Variants in OSBPL3 observed in about 807,000 individuals in gnomAD.
The protein encoded by OSBPL3 is oxysterol binding protein like 3, also known as oxysterol-binding protein-related protein 3.
A neutral mutation model predicts 120.1 loss-of-function variants in OSBPL3; 65 were observed. That is an observed-to-expected ratio of 0.54 (90% CI 0.44 to 0.67). The LOEUF is 0.67. OSBPL3 is among the 30% of genes least tolerant of loss of function. OSBPL3 has a pLI of 0.00. For synonymous variants in OSBPL3, 416 were observed against 402.6 expected (o/e 1.03, Z -0.40); for missense variants, 1,004 against 1,082.1 (o/e 0.93, Z 1.01).
rs1285519705 is a variant in OSBPL3 at position 24,918,209 on chromosome 7, T to C, written c.-149-25588A>G. On this transcript the variant is annotated intron_variant, in intron 1 of 22. Transcript: ENST00000313367. The surrounding 1 kb of genome is among the most constrained non-coding windows in gnomAD (Gnocchi z 4.3). ...CAAGAGAGTCATGAGAAACTGACCA[T>C]CACATAAACACCATAGCAATGTTCA... 5 of 224,454 alleles carry C rather than the reference T, an allele frequency of 2.2e-5. No homozygotes were observed. The highest frequency in any genetic ancestry group is 1.2e-4 in the African/African-American group (5 of 42,770). The allele number at this position is 224,454 out of a possible 1,614,324, so 13.9% of individuals were successfully genotyped here.
intron 1 of OSBPL3, among the ~76,000 whole-genome samples, chr7:24,929,819 T>C (rs377671933): frequency 2.5e-4 from 38 of 152,374 alleles, no homozygotes; most frequent in South Asian, 6.2e-4. Context: ...TCCTTGGTCA[T>C]GTATGTTTTG....
intron 2 of OSBPL3, among the ~76,000 whole-genome samples, chr7:24,882,365 T>C (rs1803829370): frequency 6.6e-6 from 1 of 152,106 alleles, no homozygotes; most frequent in African/African-American, 2.4e-5. Context: ...TGTCTTTCTG[T>C]GCCTGGCTTA....
chr7:24,963,901 C>T (rs944609185), intron 1 of OSBPL3, among the ~76,000 whole-genome samples: 3 of 151,956 alleles, frequency 2.0e-5, no homozygotes, highest in Non-Finnish European at 2.9e-5. Context: ...AAGGACTATA[C>T]AAGATTAGCC....
In OSBPL3 at chr7:24,871,898, GTGC is replaced by G. The variant is rs1183207882; in HGVS notation, c.213+52_213+54del. ...TTAAATATGAGTACCTAAGAACCAG[GTGC>G]TGAGTGGGGCAGTGTGAGTGCAAAT... On this transcript the variant is annotated intron_variant, in intron 3 of 22. Transcript: ENST00000313367. The surrounding 1 kb of genome is among the most constrained non-coding windows in gnomAD (Gnocchi z 4.8). 3 of 1,470,672 alleles carry G rather than the reference GTGC, an allele frequency of 2.0e-6. No individual in the cohort carries two copies. Among genetic ancestry groups the G allele is most frequent in the Non-Finnish European group, 2.9e-6 (3 of 1,049,378 alleles). 91.1% of individuals were successfully genotyped at this position (1,470,672 alleles called of 1,614,324 possible).
At position 24,913,211 on chromosome 7, in the gene OSBPL3, A is replaced by C. The variant is rs561386235; in HGVS notation, c.-149-20590T>G. ...ACATAAATATTGTCATTAACCTACC[A>C]GTTCATCGTCATTGTCTCAATTTAC... On this transcript the variant is annotated intron_variant, in intron 1 of 22. Coordinates refer to ENST00000313367, the MANE Select transcript of OSBPL3 (RefSeq NM_015550.4). The surrounding 1 kb of genome is among the most constrained non-coding windows in gnomAD (Gnocchi z 5.3). 9.8e-5 allele frequency among the ~76,000 whole-genome samples: 15 copies of C among 152,296 alleles called. No individual in the cohort carries two copies. The highest frequency in any genetic ancestry group is 3.4e-4 in the African/African-American group (14 of 41,550).
Position 24,841,396 on chromosome 7 carries a change from T to C in OSBPL3, c.1402-613A>G, listed in dbSNP as rs548962337. Among the ~76,000 whole-genome samples, 5 of 151,740 alleles carry C rather than the reference T, an allele frequency of 3.3e-5. No individual in the cohort carries two copies. In the South Asian group the frequency reaches 1.0e-3, roughly 32 times the overall value. ...ATTTCCTTCTCTATAGTAGACACAT[T>C]ATTAAATAGGTAGAAGTCAAAACTA... On this transcript the variant is annotated intron_variant, in intron 13 of 22. Transcript: ENST00000313367.
chr7:24,928,250 A>G (rs1257254051), intron 1 of OSBPL3, among the ~76,000 whole-genome samples: 4 of 147,030 alleles, frequency 2.7e-5, no homozygotes, highest in South Asian at 2.1e-4. Flanking sequence ...GGAGTGCAGC[A>G]GCACGATCTC....
chr7:24,892,512 A>G lies in OSBPL3; in HGVS notation c.-40T>C. ...TTGGCCTCGAGACAATCAAAATGCCATCAGATGACAAGGGAGCCGAGAGTA... is the reference window on the plus strand; with the variant it reads ...TTGGCCTCGAGACAATCAAAATGCCGTCAGATGACAAGGGAGCCGAGAGTA... On this transcript the variant is annotated 5_prime_UTR_variant, in exon 2 of 23. An upstream start codon of the reference 5' UTR is lost. Coordinates refer to ENST00000313367, the MANE Select transcript of OSBPL3 (RefSeq NM_015550.4). The G allele has an allele frequency of 1.2e-6, 2 of 1,601,048 alleles. No individual in the cohort carries two copies. The highest frequency in any genetic ancestry group is 1.7e-6 in the Non-Finnish European group (2 of 1,170,144).
intron 1 of OSBPL3, among the ~76,000 whole-genome samples, chr7:24,979,550 G>C (rs555100109): frequency 6.6e-6 from 1 of 152,162 alleles, no homozygotes; most frequent in Non-Finnish European, 1.5e-5. Context: ...GCGCCTCCCC[G>C]CTGCCCAGGA....
rs1177441979 is a variant in OSBPL3, at chr7:24,967,765, AG to A, written c.-150+12120del. Among the ~76,000 whole-genome samples the A allele has an allele frequency of 6.6e-6, 1 of 152,074 alleles. No individual in the cohort carries two copies. Among genetic ancestry groups the A allele is most frequent in the East Asian group, 1.9e-4 (1 of 5,192 alleles). On this transcript the variant is annotated intron_variant, in intron 1 of 22. Coordinates refer to ENST00000313367, the MANE Select transcript of OSBPL3 (RefSeq NM_015550.4). This position sits in a 1 kb window ranked among gnomAD's most constrained non-coding sequence, Gnocchi z 5.6. ...CCTGCCCCAAAGGTTCTATAGGTAA[AG>A]GCCCCCTTAACTGTCACAATTTTAA...
intron 16 of OSBPL3, among the ~76,000 whole-genome samples, chr7:24,828,636 AG>A (rs1168948115): frequency 6.7e-6 from 1 of 148,488 alleles, no homozygotes; most frequent in African/African-American, 2.5e-5. Context: ...AAAAAAAAAA[AG>A]GCATCGTAGA....
intron 1 of OSBPL3, among the ~76,000 whole-genome samples, chr7:24,904,796 T>C (rs1027477750): frequency 2.0e-5 from 3 of 150,202 alleles, no homozygotes; most frequent in African/African-American, 7.4e-5. Context: ...ATATTTAAAA[T>C]AATCAAATTC....
chr7:24,834,682 G>C lies in OSBPL3; in HGVS notation c.1550C>G (p.Pro517Arg). 1.2e-6 allele frequency: 2 copies of C among 1,613,952 alleles called. No homozygotes were observed. Among genetic ancestry groups the C allele is most frequent in the Middle Eastern group, 1.6e-4 (1 of 6,062 alleles). ...GTTACTGCTGCTCGGGCAGGGCGCCGGCAGGCACGTTCTTCTCCGGGACTT... is the reference window on the plus strand; with the variant it reads ...GTTACTGCTGCTCGGGCAGGGCGCCCGCAGGCACGTTCTTCTCCGGGACTT... ...EAKSRRRTCLPAPCPSSSNIS... is the reference protein window; with the variant it reads ...EAKSRRRTCLRAPCPSSSNIS... The change falls in exon 15 of 23, where the codon CCG becomes CGG. Residue 517 changes from proline to arginine, a missense_variant. Coordinates refer to ENST00000313367, the MANE Select transcript of OSBPL3 (RefSeq NM_015550.4). The surrounding 1 kb of genome is among the most constrained non-coding windows in gnomAD (Gnocchi z 5.2).
chr7:24,941,401 T>G (rs540867203), intron 1 of OSBPL3, among the ~76,000 whole-genome samples: 1 of 152,150 alleles, frequency 6.6e-6, no homozygotes, highest in South Asian at 2.1e-4. Flanking sequence ...TGCTGCTCCC[T>G]GCCAGGTTCA....
chr7:24,814,958 T>C lies in OSBPL3; in HGVS notation c.2172+101A>G, dbSNP rs192345264. 6.2e-6 allele frequency: 7 copies of C among 1,133,776 alleles called. No individual in the cohort carries two copies. In the Admixed American group the frequency reaches 1.4e-4, roughly 22 times the overall value. The allele number at this position is 1,133,776 out of a possible 1,614,324, so 70.2% of individuals were successfully genotyped here. A position where few individuals can be genotyped will look rare whatever the true frequency, so the allele number is the denominator to read the frequency against. On this transcript the variant is annotated intron_variant, in intron 19 of 22. Transcript: ENST00000313367. ...CTCAGGCATTGCTTGCCTGCTGGCA[T>C]AAAGGTGAAGGCGAAAAATCTCTCA...
chr7:24,842,239 A>G, intron 13 of OSBPL3, 40 bp downstream of exon 13: 4 of 1,598,530 alleles, frequency 2.5e-6, no homozygotes, highest in Non-Finnish European at 3.4e-6. Context: ...AAGCAACAAG[A>G]GAGATTTTTG....
rs1395017483 is a variant in OSBPL3 at position 24,946,125 on chromosome 7, G to A, written c.-150+33761C>T. On this transcript the variant is annotated intron_variant, in intron 1 of 22. Coordinates refer to ENST00000313367, the MANE Select transcript of OSBPL3 (RefSeq NM_015550.4). The surrounding 1 kb of genome is among the most constrained non-coding windows in gnomAD (Gnocchi z 4.3). ...CCTCCCAAGGCTGGTAGTCAATGCC[G>A]GCTGTCAGCTGGGAGCTCAGCTGGG... Among the ~76,000 whole-genome samples the A allele has an allele frequency of 6.6e-6, 1 of 151,950 alleles. No homozygotes were observed. The highest frequency in any genetic ancestry group is 6.6e-5 in the Admixed American group (1 of 15,250).
intron 14 of OSBPL3, among the ~76,000 whole-genome samples, chr7:24,839,586 T>C (rs1367667922): frequency 3.3e-5 from 5 of 152,198 alleles, no homozygotes; most frequent in Admixed American, 6.5e-5. Flanking sequence ...CTGGATCATA[T>C]CTTTTATTAT....
At chr7:24,814,364 C>T (rs1302806002) in intron 19 of OSBPL3, among the ~76,000 whole-genome samples, 6 of 151,784 alleles carry the variant, frequency 4.0e-5, no homozygotes, top group South Asian at 2.1e-4. Flanking sequence ...GCCTGTGCAG[C>T]GCCCGACAGG....
Sources: gnomAD v4.1 joint callset for allele counts (sites outside exome capture counted in the v4.1 genomes callset) on GRCh38, gnomAD v4.1.1 for gene constraint, Gnocchi (gnomAD v3.1) non-coding constraint, MANE v1.5 for transcripts, NCBI Gene and HGNC (gene_info 2026-07-23, HGNC 2026-07-21) for gene names.